Variants in KLHL1 observed in about 807,000 individuals in gnomAD.
The protein encoded by KLHL1 is kelch-like protein 1.
A neutral mutation model predicts 77.7 loss-of-function variants in KLHL1; 47 were observed. That is an observed-to-expected ratio of 0.60 (90% CI 0.48 to 0.77). The LOEUF is 0.77. Among genes scored for constraint, KLHL1 ranks in the 30% least tolerant of loss-of-function variants. KLHL1 has a pLI of 0.00. For missense variants in KLHL1, 925 were observed against 910.8 expected, an observed-to-expected ratio of 1.02 and a Z score of -0.20; for synonymous variants, 360 against 325.2, an observed-to-expected ratio of 1.11 and a Z score of -1.15.
intron 1 of KLHL1, among the ~76,000 whole-genome samples, chr13:70,016,188 A>G (rs1236653133): frequency 6.6e-6 from 1 of 152,232 alleles, no homozygotes; most frequent in Non-Finnish European, 1.5e-5. Flanking sequence ...AGAATCTCCA[A>G]TAGTTCTCCA....
In KLHL1 at chr13:70,108,330, T is replaced by G. The variant is rs1449155926; in HGVS notation, c.-631A>C. 1 of 301,888 alleles carries G rather than the reference T, an allele frequency of 3.3e-6. No individual in the cohort carries two copies. The highest frequency in any genetic ancestry group is 6.0e-6 in the Non-Finnish European group (1 of 166,104). 18.7% of individuals were successfully genotyped at this position (301,888 alleles called of 1,614,324 possible). On this transcript the variant is annotated 5_prime_UTR_variant, in exon 1 of 11. Transcript: ENST00000377844. Reference sequence around the variant, plus strand: ...GGCTCTGAGAAAGTCAATTGCTTTCTGCAATGCCAGAAGAGGTGGTTTTAT... The same window carrying G: ...GGCTCTGAGAAAGTCAATTGCTTTCGGCAATGCCAGAAGAGGTGGTTTTAT...
chr13:69,835,954 G>C (rs1878970814), intron 6 of KLHL1, among the ~76,000 whole-genome samples: 1 of 152,068 alleles, frequency 6.6e-6, no homozygotes, highest in African/African-American at 2.4e-5. Flanking sequence ...TGATGGATTA[G>C]TTTGTATCAG....
chr13:70,058,343 C>CA (rs368173809), intron 1 of KLHL1, among the ~76,000 whole-genome samples: 88 of 151,326 alleles, frequency 5.8e-4, no homozygotes, highest in Non-Finnish European at 1.1e-3. Flanking sequence ...AAGCCTCCAC[C>CA]AAAAAAAAGC....
chr13:69,794,054 T>G (rs1056026540), intron 7 of KLHL1, among the ~76,000 whole-genome samples: 14 of 152,120 alleles, frequency 9.2e-5, no homozygotes, highest in African/African-American at 3.4e-4. Context: ...GAATTTTGAA[T>G]AGCAGAAGCA....
chr13:69,834,391 T>C (rs1878898298), intron 6 of KLHL1, among the ~76,000 whole-genome samples: 1 of 151,970 alleles, frequency 6.6e-6, no homozygotes. Context: ...ATCCATAAAA[T>C]TGTTTTCTGC....
chr13:69,707,166 T>C (rs572672796), intron 10 of KLHL1, among the ~76,000 whole-genome samples: 1 of 152,092 alleles, frequency 6.6e-6, no homozygotes, highest in African/African-American at 2.4e-5. Context: ...ACTTGGACTT[T>C]CCAGCAGCAC....
chr13:69,743,990 G>A (rs773759987), intron 7 of KLHL1, among the ~76,000 whole-genome samples: 3 of 151,926 alleles, frequency 2.0e-5, no homozygotes, highest in Non-Finnish European at 4.4e-5. Flanking sequence ...ATTTAAGTGG[G>A]GCAAATAAAT....
chr13:69,962,691 A>C (rs934306067), intron 2 of KLHL1, among the ~76,000 whole-genome samples: 1 of 151,968 alleles, frequency 6.6e-6, no homozygotes, highest in Admixed American at 6.6e-5. Context: ...AATGAAAAAA[A>C]TTATGATATT....
rs76121261 is a variant in KLHL1, at chr13:69,737,319, T to C, written c.1802+3075A>G. Reference sequence around the variant, plus strand: ...GGACACAGGAGTATTTGCATACTTATGCTCTGGAAACTCCCATGAGGCAGG... The same window carrying C: ...GGACACAGGAGTATTTGCATACTTACGCTCTGGAAACTCCCATGAGGCAGG... On this transcript the variant is annotated intron_variant, in intron 8 of 10. Coordinates refer to ENST00000377844, the MANE Select transcript of KLHL1 (RefSeq NM_020866.3). Among the ~76,000 whole-genome samples, 735 of 152,324 alleles carry C rather than the reference T, an allele frequency of 4.8e-3. 4 individuals carry two copies. Among genetic ancestry groups the C allele is most frequent in the African/African-American group, 0.017 (687 of 41,590 alleles).
intron 3 of KLHL1, among the ~76,000 whole-genome samples, chr13:69,943,266 A>G (rs1159730921): frequency 2.0e-5 from 3 of 151,964 alleles, no homozygotes; most frequent in Non-Finnish European, 4.4e-5. Context: ...TTAAAGAAGA[A>G]TTTGTTGGAT....
At chr13:69,788,558 G>A (rs1876687159) in intron 7 of KLHL1, among the ~76,000 whole-genome samples, 1 of 152,096 alleles carries the variant, frequency 6.6e-6, no homozygotes, top group African/African-American at 2.4e-5. Context: ...TATGCCTAAT[G>A]CTAAATGATG....
chr13:69,956,137 GATAT>G (rs1163862940), intron 3 of KLHL1, among the ~76,000 whole-genome samples: 7 of 134,772 alleles, frequency 5.2e-5, no homozygotes, highest in African/African-American at 1.1e-4. Context: ...TGATATATAT[GATAT>G]ATATATTTAT....
chr13:69,977,240 T>C (rs999344633), intron 1 of KLHL1, among the ~76,000 whole-genome samples: 9 of 152,164 alleles, frequency 5.9e-5, no homozygotes, highest in African/African-American at 1.2e-4. Flanking sequence ...GCTACAGATA[T>C]GTTCGAATAT....
chr13:69,721,073 ATATATAAAGCTATGTACCTCCCT>A (rs1873032004), intron 8 of KLHL1, among the ~76,000 whole-genome samples: 1 of 64,970 alleles, frequency 1.5e-5, no homozygotes, highest in Non-Finnish European at 3.7e-5. Context: ...ATATATATAT[ATATATAAAGCTATGTACCTCCCT>A]TACAAGGAAT....
chr13:69,990,855 C>G (rs1475257501), intron 1 of KLHL1, among the ~76,000 whole-genome samples: 1 of 151,816 alleles, frequency 6.6e-6, no homozygotes, highest in Non-Finnish European at 1.5e-5. Flanking sequence ...AGAATATATA[C>G]TTTTTGTTGT....
chr13:70,100,353 T>G (rs984803682), intron 1 of KLHL1, among the ~76,000 whole-genome samples: 13 of 152,144 alleles, frequency 8.5e-5, no homozygotes, highest in Non-Finnish European at 1.0e-4. Context: ...TACAATTGAA[T>G]TTTGTATGTT....
At chr13:69,895,158 G>A (rs1329914204) in intron 4 of KLHL1, 1 of 470,396 alleles carries the variant, frequency 2.1e-6, no homozygotes, top group Non-Finnish European at 4.2e-6. Context: ...TCCATGAGAA[G>A]GTAGTCTTTA....
chr13:69,804,687 C>G (rs1329446074), intron 6 of KLHL1, among the ~76,000 whole-genome samples: 1 of 151,998 alleles, frequency 6.6e-6, no homozygotes, highest in African/African-American at 2.4e-5. Context: ...AAGAATGCAT[C>G]GACTTAAATA....
At chr13:69,987,361 A>C (rs1884900991) in intron 1 of KLHL1, among the ~76,000 whole-genome samples, 1 of 152,080 alleles carries the variant, frequency 6.6e-6, no homozygotes, top group Non-Finnish European at 1.5e-5. Flanking sequence ...ATTACTTTGG[A>C]GAGAGAAACT....
Sources: gnomAD v4.1 joint callset for allele counts (sites outside exome capture counted in the v4.1 genomes callset) on GRCh38, gnomAD v4.1.1 for gene constraint, MANE v1.5 for transcripts, NCBI Gene and HGNC (gene_info 2026-07-23, HGNC 2026-07-21) for gene names.